Variants in DRAM1 observed in about 807,000 individuals in gnomAD.
DRAM1 encodes DNA damage-regulated autophagy modulator protein 1.
In DRAM1, 25 loss-of-function variants were observed where a neutral mutation model predicts 28.5. The observed-to-expected ratio is 0.88, with a 90% CI of 0.64 to 1.23. The LOEUF (loss-of-function observed/expected upper bound fraction) is 1.23, where lower values mean the gene tolerates loss of function less well. Ranked by LOEUF, DRAM1 falls within the 50% of genes most tolerant of loss-of-function variation. DRAM1 has a pLI of 0.00. For missense variants in DRAM1, 249 were observed against 299.2 expected, an observed-to-expected ratio of 0.83 and a Z score of 1.24; for synonymous variants, 113 against 114.2, an observed-to-expected ratio of 0.99 and a Z score of 0.07.
intron 4 of DRAM1, among the ~76,000 whole-genome samples, chr12:101,908,786 C>T (rs1476555848): frequency 6.7e-6 from 1 of 150,164 alleles, no homozygotes; most frequent in Non-Finnish European, 1.5e-5. Flanking sequence ...CAAGGAAGTG[C>T]ACAGATGGAC....
intron 1 of DRAM1, among the ~76,000 whole-genome samples, chr12:101,897,097 A>T (rs1199418714): frequency 6.6e-6 from 1 of 151,712 alleles, no homozygotes; most frequent in African/African-American, 2.4e-5. Flanking sequence ...TCAGATTTTT[A>T]TCATAATATT....
intron 3 of DRAM1, among the ~76,000 whole-genome samples, chr12:101,902,688 G>T (rs1477956167): frequency 2.0e-5 from 3 of 152,146 alleles, no homozygotes; most frequent in African/African-American, 7.2e-5. Context: ...TCAACTTTTG[G>T]TTCCCCTTAA....
intron 1 of DRAM1, among the ~76,000 whole-genome samples, chr12:101,880,173 G>A (rs1477954605): frequency 3.3e-5 from 5 of 151,164 alleles, no homozygotes; most frequent in Non-Finnish European, 7.4e-5. Context: ...TCAGCCTCCT[G>A]AATAGCTGGG....
chr12:101,879,866 C>A (rs1354998882), intron 1 of DRAM1, among the ~76,000 whole-genome samples: 1 of 152,016 alleles, frequency 6.6e-6, no homozygotes, highest in South Asian at 2.1e-4. Context: ...TGGTGGTGCA[C>A]GCCTGTAGTC....
intron 1 of DRAM1, among the ~76,000 whole-genome samples, chr12:101,882,835 CTTTTTTTTTTT>C (rs35171315): frequency 4.4e-5 from 5 of 112,570 alleles, no homozygotes; most frequent in Admixed American, 9.5e-5. Context: ...ATGCAACAGC[CTTTTTTTTTTT>C]TTTTTTTTTT....
chr12:101,886,597 C>A (rs1388837628), intron 1 of DRAM1, among the ~76,000 whole-genome samples: 1 of 152,186 alleles, frequency 6.6e-6, no homozygotes, highest in Non-Finnish European at 1.5e-5. Context: ...GCTGGGTTAA[C>A]TGATGAATTT....
chr12:101,902,805 C>T (rs1873654100), intron 3 of DRAM1, among the ~76,000 whole-genome samples: 1 of 152,196 alleles, frequency 6.6e-6, no homozygotes, highest in Admixed American at 6.5e-5. Flanking sequence ...ATCTTTACAA[C>T]TTCCTTGTTT....
chr12:101,895,199 T>TTG (rs1566123841), intron 1 of DRAM1, among the ~76,000 whole-genome samples: 3 of 129,194 alleles, frequency 2.3e-5, no homozygotes, highest in Non-Finnish European at 4.8e-5. Context: ...TTTTTTTTTT[T>TTG]TTTTTTTTTT....
intron 1 of DRAM1, among the ~76,000 whole-genome samples, chr12:101,882,286 T>A (rs563357586): frequency 1.9e-4 from 29 of 150,700 alleles, no homozygotes; most frequent in African/African-American, 6.5e-4. Context: ...TTTTTTGTAT[T>A]TTTTTAGTAG....
chr12:101,911,499 A>G (rs1874039297), intron 4 of DRAM1, among the ~76,000 whole-genome samples: 1 of 152,112 alleles, frequency 6.6e-6, no homozygotes, highest in Non-Finnish European at 1.5e-5. Flanking sequence ...CTAGTTCTTC[A>G]TCCTTGTTTT....
At chr12:101,901,101 G>C (rs1190374825) in intron 2 of DRAM1, among the ~76,000 whole-genome samples, 190 bp from the exon 3 acceptor site, 1 of 151,550 alleles carries the variant, frequency 6.6e-6, no homozygotes, top group Non-Finnish European at 1.5e-5. Context: ...GTGTGTGTGT[G>C]TGTGTGTGTG....
chr12:101,920,367 G>A (rs1339748969), intron 6 of DRAM1, among the ~76,000 whole-genome samples, 166 bp downstream of exon 6: 2 of 69,642 alleles, frequency 2.9e-5, no homozygotes, highest in Non-Finnish European at 5.1e-5. Flanking sequence ...CTGCAGTGGC[G>A]CAATCTCGGC....
chr12:101,889,612 G>A (rs993106493), intron 1 of DRAM1, among the ~76,000 whole-genome samples: 11 of 152,180 alleles, frequency 7.2e-5, no homozygotes, highest in Non-Finnish European at 5.9e-5. Context: ...CTGTGATCAA[G>A]TTAGTTTTCT....
chr12:101,891,853 A>G (rs1223941587), intron 1 of DRAM1, among the ~76,000 whole-genome samples: 1 of 152,230 alleles, frequency 6.6e-6, no homozygotes, highest in Non-Finnish European at 1.5e-5. Flanking sequence ...TAGAGAGACT[A>G]CTGCTGCCAG....
chr12:101,902,632 A>AT, intron 3 of DRAM1, among the ~76,000 whole-genome samples: 1 of 152,352 alleles, frequency 6.6e-6, no homozygotes, highest in South Asian at 2.1e-4. Flanking sequence ...TTTTTAAACC[A>AT]TTTAAGGGCT....
chr12:101,881,919 A>G (rs886986566), intron 1 of DRAM1, among the ~76,000 whole-genome samples: 2 of 152,040 alleles, frequency 1.3e-5, no homozygotes, highest in African/African-American at 4.8e-5. Context: ...AAAGCTCTCA[A>G]TATTTGCTGA....
At chr12:101,880,874 G>A (rs1002451377) in intron 1 of DRAM1, among the ~76,000 whole-genome samples, 1 of 152,202 alleles carries the variant, frequency 6.6e-6, no homozygotes, top group African/African-American at 2.4e-5. Flanking sequence ...TTCAGGAAAA[G>A]CAGAATTACA....
At chr12:101,882,134 T>G (rs931611069) in intron 1 of DRAM1, among the ~76,000 whole-genome samples, 2 of 105,148 alleles carry the variant, frequency 1.9e-5, no homozygotes, top group Non-Finnish European at 3.8e-5. Flanking sequence ...TTTTTTTTTT[T>G]TTGAGACGGA....
chr12:101,911,469 G>C (rs1157850611), intron 4 of DRAM1, among the ~76,000 whole-genome samples: 1 of 152,160 alleles, frequency 6.6e-6, no homozygotes. Context: ...CTCTGCATCA[G>C]ACCCATGATC....
Sources: allele counts gnomAD v4.1 joint callset (sites outside exome capture counted in the v4.1 genomes callset), GRCh38; gene constraint gnomAD v4.1.1; transcripts MANE v1.5; gene names NCBI Gene and HGNC (gene_info 2026-07-23, HGNC 2026-07-21).